The following JAK3 variants were observed in gnomAD, a reference collection of about 807,000 sequenced individuals.
JAK3 encodes the protein Janus kinase 3.
Under a neutral mutation model 120.8 loss-of-function variants are expected in JAK3, and 88 were observed. The ratio of observed to expected loss-of-function variants is 0.73; its 90% CI spans 0.61 to 0.87. JAK3 has a LOEUF of 0.87. Among genes scored for constraint, JAK3 ranks in the 40% least tolerant of loss-of-function variants. JAK3 has a pLI of 0.00. For missense variants in JAK3, 1,254 were observed against 1,501.4 expected (o/e 0.84, Z 2.72); for synonymous variants, 592 against 628.6 (o/e 0.94, Z 0.87).
At chr19:17,827,215 G>A (rs899123006) in intron 23 of JAK3, among the ~76,000 whole-genome samples, 30 of 152,058 alleles carry the variant, frequency 2.0e-4, no homozygotes, top group African/African-American at 6.3e-4. Flanking sequence ...CTGATCTCAG[G>A]TGATCCACCT....
At position 17,843,949 on chromosome 19, in the gene JAK3, C is replaced by G. The variant is rs758861484; in HGVS notation, c.185-49G>C. 6.2e-7 allele frequency: 1 copy of G among 1,609,176 alleles called. No homozygotes were observed. On this transcript the variant is annotated intron_variant, in intron 2 of 23. Coordinates refer to ENST00000458235, the MANE Select transcript of JAK3 (RefSeq NM_000215.4). The surrounding 1 kb of genome is among the most constrained non-coding windows in gnomAD (Gnocchi z 5.4). ...TCCCTCCTGAGTCACCCCATCTGTG[C>G]CCTTCAGGAGTGCCAGCATCATACC...
At chr19:17,829,800 A>G in intron 23 of JAK3, 1 of 484,064 alleles carries the variant, frequency 2.1e-6, no homozygotes, top group South Asian at 4.0e-5. Flanking sequence ...CGTCACCACC[A>G]TTTATGGAGC....
At chr19:17,838,085 G>C in intron 11 of JAK3, 22 bp from the exon 12 acceptor site, 2 of 1,614,132 alleles carry the variant, frequency 1.2e-6, no homozygotes, top group Non-Finnish European at 1.7e-6. Context: ...GGGGACAGCA[G>C]AAGAGGCCAG....
chr19:17,842,394 G>C lies in JAK3; in HGVS notation c.783C>G (p.Ala261=), dbSNP rs1340529788. 1 of 1,584,364 alleles carries C rather than the reference G, an allele frequency of 6.3e-7. No homozygotes were observed. Among genetic ancestry groups the C allele is most frequent in the Non-Finnish European group, 8.6e-7 (1 of 1,168,666 alleles). The stretch of plus-strand genomic sequence containing the variant: ...GCCCCAGCCCGTCGTGGCCACCAAG[G>C]GCCCCAGGGAGGCCCACGTGGAAGG... The part of the protein sequence containing the change: ...AETFHVGLPG[A]LGGHDGLGLL... Residue 261 remains alanine, a synonymous_variant, in exon 6 of 24, where the codon GCC becomes GCG. Transcript: ENST00000458235. This position sits in a 1 kb window ranked among gnomAD's most constrained non-coding sequence, Gnocchi z 6.4.
At position 17,834,668 on chromosome 19, in the gene JAK3, C is replaced by T. The variant is rs2147681696; in HGVS notation, c.2253G>A (p.Glu751=). ...TGCACTGTTGAATCAGCAGGGCCAG[C>T]TCTGTCCACTTGGGGGCCGGCAGCT... ...RQQLPAPKWT[E]LALLIQQCMA... The change falls in exon 17 of 24, where the codon GAG becomes GAA. Residue 751 remains glutamate, a synonymous_variant. Coordinates refer to ENST00000458235, the MANE Select transcript of JAK3 (RefSeq NM_000215.4). 6.2e-7 allele frequency: 1 copy of T among 1,614,152 alleles called. No individual in the cohort carries two copies. The highest frequency in any genetic ancestry group is 8.5e-7 in the Non-Finnish European group (1 of 1,180,026).
chr19:17,830,710 G>T, intron 21 of JAK3, 90 bp from the exon 22 acceptor site: 1 of 1,016,392 alleles, frequency 9.8e-7, no homozygotes, highest in Non-Finnish European at 1.6e-6. Context: ...GTCAGGGTAG[G>T]TGGGGACTGT....
rs1814643433 is a variant in JAK3 at position 17,843,143 on chromosome 19, G to A, written c.450C>T (p.Leu150=). The A allele has an allele frequency of 7.5e-6, 12 of 1,607,852 alleles. No homozygotes were observed. Among genetic ancestry groups the A allele is most frequent in the Non-Finnish European group, 1.0e-5 (12 of 1,179,542 alleles). ...GCTCCTTGAGACTGAGGCCCACGGG[G>A]AGGCGCCCACTCACCAGGTCACTGC... The part of the protein sequence containing the change: ...QHRSDLVSGR[L]PVGLSLKEQG... Residue 150 remains leucine (L), a synonymous_variant, in exon 5 of 24, where the codon CTC becomes CTT. Transcript: ENST00000458235. The surrounding 1 kb of genome is among the most constrained non-coding windows in gnomAD (Gnocchi z 5.4).
intron 13 of JAK3, among the ~76,000 whole-genome samples, chr19:17,836,256 C>T (rs769369637): frequency 2.0e-5 from 3 of 152,124 alleles, no homozygotes; most frequent in African/African-American, 7.2e-5. Flanking sequence ...AGGTGTTGAG[C>T]CCTGTCTGTA....
Position 17,831,844 on chromosome 19 carries a change from C to G in JAK3, c.2681-46G>C. 1 of 1,605,878 alleles carries G rather than the reference C, an allele frequency of 6.2e-7. No individual in the cohort carries two copies. Among genetic ancestry groups the G allele is most frequent in the Non-Finnish European group, 8.5e-7 (1 of 1,175,418 alleles). Reference sequence around the variant, plus strand: ...CACAGCAGGGCCCAGCCCTGCTCGTCCCCCCATTCTTCCCCCCTTTCACAG... The same window carrying G: ...CACAGCAGGGCCCAGCCCTGCTCGTGCCCCCATTCTTCCCCCCTTTCACAG... On this transcript the variant is annotated intron_variant, in intron 19 of 23. Coordinates refer to ENST00000458235, the MANE Select transcript of JAK3 (RefSeq NM_000215.4). The surrounding 1 kb of genome is among the most constrained non-coding windows in gnomAD (Gnocchi z 5.1).
At position 17,835,160 on chromosome 19, in the gene JAK3, C is replaced by T. The variant is rs758959409; in HGVS notation, c.1970G>A (p.Arg657Gln). The change falls in exon 15 of 24, where the codon CGG becomes CAG. Residue 657 changes from arginine to glutamine, a missense_variant. This residue lies in a region of JAK3 where 630 missense variants were observed against 819.8 expected (regional missense o/e 0.77). Transcript: ENST00000458235. ...NVSARKVLLA[R>Q]EGADGSPPFI... ...GGGCGGGCTCCCATCAGCCCCCTCC[C>T]GAGCCAGGAGCACCTTCCGGGCAGA... 3 of 1,614,228 alleles carry T rather than the reference C, an allele frequency of 1.9e-6. No homozygotes were observed. The highest frequency in any genetic ancestry group is 2.5e-6 in the Non-Finnish European group (3 of 1,180,046).
Position 17,843,600 on chromosome 19 carries a change from G to T in JAK3, c.309-109C>A. The T allele has an allele frequency of 1.7e-6, 2 of 1,165,938 alleles. No individual in the cohort carries two copies. Among genetic ancestry groups the T allele is most frequent in the Non-Finnish European group, 2.6e-6 (2 of 779,658 alleles). 72.2% of individuals were successfully genotyped at this position (1,165,938 alleles called of 1,614,324 possible). The stretch of plus-strand genomic sequence containing the variant: ...TTCTGCGGAGGCCTCACAGAGCCCA[G>T]CTTGTACCTTTAACTTGCTGTGTGA... On this transcript the variant is annotated intron_variant, in intron 3 of 23. Coordinates refer to ENST00000458235, the MANE Select transcript of JAK3 (RefSeq NM_000215.4). This position sits in a 1 kb window ranked among gnomAD's most constrained non-coding sequence, Gnocchi z 5.4.
chr19:17,834,740 G>A lies in JAK3; in HGVS notation c.2200-19C>T, dbSNP rs568606898. 2 of 1,614,148 alleles carry A rather than the reference G, an allele frequency of 1.2e-6. No individual in the cohort carries two copies. The highest frequency in any genetic ancestry group is 2.7e-5 in the African/African-American group (2 of 75,042). On this transcript the variant is annotated intron_variant, in intron 16 of 23. Transcript: ENST00000458235. ...GGAGTTTCTGAGGGTGAGAGGAGCA[G>A]TCGGTAATCCCCAACCCAATAGACC...
Position 17,826,275 on chromosome 19 carries a change from C to T in JAK3, c.*468G>A, listed in dbSNP as rs2094203770. The stretch of plus-strand genomic sequence containing the variant: ...TGGTGCACACCTGTAATCCCAGCTA[C>T]TCGGGAGGCTGAGGCAGGAGAATCG... On this transcript the variant is annotated 3_prime_UTR_variant, in exon 24 of 24. Transcript: ENST00000458235. 4 of 184,330 alleles carry T rather than the reference C, an allele frequency of 2.2e-5. No individual in the cohort carries two copies. Among genetic ancestry groups the T allele is most frequent in the Admixed American group, 1.7e-4 (3 of 17,706 alleles). 11.4% of individuals were successfully genotyped at this position (184,330 alleles called of 1,614,324 possible).
Position 17,831,125 on chromosome 19 carries a change from G to A in JAK3, c.2978+103C>T. ...AAAGCTGCAGCGGAGGAAGGGCGGGGCTAAGGCTGGGGAGCAAAGCAGCGG... is the reference window on the plus strand; with the variant it reads ...AAAGCTGCAGCGGAGGAAGGGCGGGACTAAGGCTGGGGAGCAAAGCAGCGG... On this transcript the variant is annotated intron_variant, in intron 21 of 23. Coordinates refer to ENST00000458235, the MANE Select transcript of JAK3 (RefSeq NM_000215.4). The surrounding 1 kb of genome is among the most constrained non-coding windows in gnomAD (Gnocchi z 5.1). 1 of 1,266,834 alleles carries A rather than the reference G, an allele frequency of 7.9e-7. No individual in the cohort carries two copies. Among genetic ancestry groups the A allele is most frequent in the Non-Finnish European group, 1.1e-6 (1 of 924,630 alleles). The allele number at this position is 1,266,834 out of a possible 1,614,324, so 78.5% of individuals were successfully genotyped here.
intron 8 of JAK3, among the ~76,000 whole-genome samples, chr19:17,840,813 G>A (rs2147693694): frequency 6.6e-6 from 1 of 151,852 alleles, no homozygotes; most frequent in Non-Finnish European, 1.5e-5. Flanking sequence ...CCTCTTCTGG[G>A]AGATTGTTTG....
At chr19:17,846,716 C>G (rs1231664846) in intron 1 of JAK3, among the ~76,000 whole-genome samples, 2 of 152,070 alleles carry the variant, frequency 1.3e-5, no homozygotes, top group Non-Finnish European at 2.9e-5. Context: ...TCCCAAGTGG[C>G]TGGGATTACA....
At chr19:17,847,741 G>A (rs949266389) in intron 1 of JAK3, among the ~76,000 whole-genome samples, 1 of 138,512 alleles carries the variant, frequency 7.2e-6, no homozygotes, top group Non-Finnish European at 1.5e-5. Flanking sequence ...GGCATCTCCC[G>A]GCCTTAGTCA....
At position 17,841,787 on chromosome 19, in the gene JAK3, G is replaced by A; in HGVS notation, c.862-25C>T. On this transcript the variant is annotated intron_variant, in intron 6 of 23. Transcript: ENST00000458235. The surrounding 1 kb of genome is among the most constrained non-coding windows in gnomAD (Gnocchi z 4.1). ...CCTGGGAAGGAGGGGGAGTACCGAA[G>A]TGGGGGCCCAGCTGGACCCCGCCAA... 1 of 1,600,392 alleles carries A rather than the reference G, an allele frequency of 6.2e-7. No homozygotes were observed. Among genetic ancestry groups the A allele is most frequent in the South Asian group, 1.1e-5 (1 of 91,076 alleles).
chr19:17,839,102 G>C (rs1360107980), intron 10 of JAK3: 1 of 380,914 alleles, frequency 2.6e-6, no homozygotes, highest in East Asian at 6.9e-5. Context: ...CCTGCAGGGG[G>C]CTTTAATGAG....
Sources: gnomAD v4.1 joint callset for allele counts (sites outside exome capture counted in the v4.1 genomes callset) on GRCh38, gnomAD v4.1.1 for gene constraint, gnomAD v4.1.1 regional missense constraint, Gnocchi (gnomAD v3.1) non-coding constraint, MANE v1.5 for transcripts, NCBI Gene and HGNC (gene_info 2026-07-23, HGNC 2026-07-21) for gene names.